The following KATNIP variants were observed in gnomAD, a reference collection of about 807,000 sequenced individuals.
The protein encoded by KATNIP is katanin interacting protein, also known as katanin-interacting protein.
Under a neutral mutation model 174.0 loss-of-function variants are expected in KATNIP, and 126 were observed. That is an observed-to-expected ratio of 0.72 (90% CI 0.63 to 0.84). The LOEUF is 0.84. Among genes scored for constraint, KATNIP ranks in the 40% least tolerant of loss-of-function variants. The probability of loss-of-function intolerance (pLI) is 0.00; values close to 1 mark genes in which losing one functional copy is unlikely to be tolerated. For missense variants in KATNIP, 1,958 were observed against 2,109.7 expected (o/e 0.93, Z 1.41); for synonymous variants, 810 against 835.7 (o/e 0.97, Z 0.53).
chr16:27,666,625 C>T (rs959493100), intron 6 of KATNIP, among the ~76,000 whole-genome samples: 18 of 152,276 alleles, frequency 1.2e-4, no homozygotes, highest in African/African-American at 4.1e-4. Flanking sequence ...ACCATGTTGA[C>T]CAGGCTGGTC....
intron 8 of KATNIP, among the ~76,000 whole-genome samples, chr16:27,682,530 TG>T (rs1321497686): frequency 6.6e-6 from 1 of 151,924 alleles, no homozygotes; most frequent in East Asian, 1.9e-4. Context: ...ATGTAGAGGG[TG>T]GGGGCTCAGT....
At chr16:27,713,000 G>T (rs2079651543) in intron 13 of KATNIP, among the ~76,000 whole-genome samples, 1 of 151,946 alleles carries the variant, frequency 6.6e-6, no homozygotes, top group Admixed American at 6.6e-5. Flanking sequence ...TAGAGATAGG[G>T]TCTCACTGTG....
At chr16:27,652,353 A>T (rs921649741) in intron 6 of KATNIP, among the ~76,000 whole-genome samples, 1 of 152,186 alleles carries the variant, frequency 6.6e-6, no homozygotes, top group South Asian at 2.1e-4. Flanking sequence ...AGAAATAAAG[A>T]TACGGGATTC....
chr16:27,610,099 A>T (rs548202197), intron 2 of KATNIP, among the ~76,000 whole-genome samples: 180 of 152,180 alleles, frequency 1.2e-3, no homozygotes, highest in African/African-American at 4.2e-3. Context: ...GGCCACTGGG[A>T]TGGCCTTGCC....
intron 8 of KATNIP, chr16:27,685,228 A>G (rs1353470496): frequency 2.6e-5 from 4 of 151,952 alleles, no homozygotes; most frequent in African/African-American, 9.7e-5. Flanking sequence ...CTCTACTAAA[A>G]CACACACAAA....
rs184459807 is a variant in KATNIP at position 27,740,766 on chromosome 16, G to C, written c.2469G>C (p.Lys823Asn). 125 of 1,614,198 alleles carry C rather than the reference G, an allele frequency of 7.7e-5. No individual in the cohort carries two copies. The East Asian group carries it at 2.7e-3, about 35-fold the overall frequency. ...GGACCAGCCGGAGTGTCAACACCAA[G>C]GAGAGACCCCAGAGGGCAACCACCA... Reference protein sequence around the residue: ...GWGTSRSVNTKERPQRATTKV... With the variant: ...GWGTSRSVNTNERPQRATTKV... The change falls in exon 15 of 28, where the codon AAG (lysine) becomes AAC (asparagine). Residue 823 changes from lysine to asparagine, a missense_variant. Lys to Asn is a moderately conservative substitution (Grantham distance 94). Around this residue, in one of 3 missense-constraint regions of KATNIP, gnomAD observed 1,557 missense variants for 1,617.8 expected, o/e 0.96. Transcript: ENST00000261588.
Position 27,777,768 on chromosome 16 carries a change from C to T in KATNIP, c.4710C>T (p.Ile1570=). 6.2e-7 allele frequency: 1 copy of T among 1,613,406 alleles called. No individual in the cohort carries two copies. Among genetic ancestry groups the T allele is most frequent in the Non-Finnish European group, 8.5e-7 (1 of 1,179,586 alleles). The change falls in exon 26 of 28, where the codon ATC becomes ATT. Residue 1570 remains isoleucine (I), a splice_region_variant and synonymous_variant. Transcript: ENST00000261588. This position sits in a 1 kb window ranked among gnomAD's most constrained non-coding sequence, Gnocchi z 4.4. Reference sequence around the variant, plus strand: ...GCCACCAGGAGAAACACACCACCATCAGGTAGGGCCCCAGCCGGCCCCATG... The same window carrying T: ...GCCACCAGGAGAAACACACCACCATTAGGTAGGGCCCCAGCCGGCCCCATG... ...DIRHQEKHTT[I]SNQAEDQDVQ... is the part of the protein sequence containing the mutation.
At chr16:27,608,374 G>T (rs1434262641) in intron 2 of KATNIP, among the ~76,000 whole-genome samples, 9 of 133,338 alleles carry the variant, frequency 6.7e-5, no homozygotes, top group African/African-American at 2.0e-4. Context: ...GGGACTACGG[G>T]TGCACGCCAC....
At chr16:27,623,140 T>C (rs1355266296) in intron 3 of KATNIP, among the ~76,000 whole-genome samples, 2 of 152,166 alleles carry the variant, frequency 1.3e-5, no homozygotes, top group Non-Finnish European at 2.9e-5. Context: ...TGCGAGCCAG[T>C]GCTCTCTCCT....
intron 3 of KATNIP, among the ~76,000 whole-genome samples, chr16:27,620,492 G>A (rs952301093): frequency 2.6e-5 from 4 of 152,216 alleles, no homozygotes; most frequent in African/African-American, 7.2e-5. Flanking sequence ...CAGCCAGAAA[G>A]TGGTGGAGCC....
In KATNIP at chr16:27,655,400, A is replaced by ATTATTTATTTAT. The variant is rs557649469; in HGVS notation, c.540+6684_540+6695dup. ...AGGTACGCACCACCATGTCCAGCCA[A>ATTATTTATTTAT]TTATTTATTTATTTATTTATTTATT... On this transcript the variant is annotated intron_variant, in intron 6 of 27. Coordinates refer to ENST00000261588, the MANE Select transcript of KATNIP (RefSeq NM_015202.5). Among the ~76,000 whole-genome samples, 32 of 148,688 alleles carry ATTATTTATTTAT rather than the reference A, an allele frequency of 2.2e-4. 1 individual carries two copies. Among genetic ancestry groups the ATTATTTATTTAT allele is most frequent in the African/African-American group, 6.7e-4 (27 of 40,092 alleles).
intron 6 of KATNIP, among the ~76,000 whole-genome samples, chr16:27,658,516 C>G (rs1384075506): frequency 2.0e-5 from 3 of 152,054 alleles, no homozygotes; most frequent in Non-Finnish European, 2.9e-5. Flanking sequence ...AAATTAAAAG[C>G]TTTTCTACAT....
chr16:27,760,434 G>A (rs1428920386), intron 18 of KATNIP, among the ~76,000 whole-genome samples: 1 of 152,168 alleles, frequency 6.6e-6, no homozygotes, highest in East Asian at 1.9e-4. Flanking sequence ...GGGCTGTTTT[G>A]CCCCAGGGCC....
At chr16:27,625,282 C>T (rs1053441940) in intron 3 of KATNIP, among the ~76,000 whole-genome samples, 1 of 152,172 alleles carries the variant, frequency 6.6e-6, no homozygotes, top group African/African-American at 2.4e-5. Flanking sequence ...TAAGGAGGGG[C>T]ACCCGTGGAC....
rs1194505128 is a variant in KATNIP, at chr16:27,637,823, C to T, written c.408+6661C>T. Among the ~76,000 whole-genome samples, 1 of 152,142 alleles carries T rather than the reference C, an allele frequency of 6.6e-6. No homozygotes were observed. Among genetic ancestry groups the T allele is most frequent in the Non-Finnish European group, 1.5e-5 (1 of 68,034 alleles). On this transcript the variant is annotated intron_variant, in intron 5 of 27. Transcript: ENST00000261588. The surrounding 1 kb of genome is among the most constrained non-coding windows in gnomAD (Gnocchi z 4.7). ...TTCCAAGAGGGTTGAAACAGTAGAG[C>T]GCCACGTTTGGGTTCATATTTTGGG...
At position 27,751,805 on chromosome 16, in the gene KATNIP, C is replaced by T; in HGVS notation, c.3433C>T (p.Leu1145=). 1.2e-6 allele frequency: 2 copies of T among 1,614,184 alleles called. 1 individual carries two copies. ...AIFYSDEMFD[L]DVGSLDSLQD... ...ATTCTATTCTGATGAGATGTTTGACCTGGATGTGGGGAGCCTGGACAGCCT... is the reference window on the plus strand; with the variant it reads ...ATTCTATTCTGATGAGATGTTTGACTTGGATGTGGGGAGCCTGGACAGCCT... Residue 1145 remains leucine, a synonymous_variant, in exon 17 of 28, where the codon CTG becomes TTG. Coordinates refer to ENST00000261588, the MANE Select transcript of KATNIP (RefSeq NM_015202.5).
chr16:27,575,477 A>G (rs929466341), intron 2 of KATNIP, among the ~76,000 whole-genome samples: 14 of 152,214 alleles, frequency 9.2e-5, no homozygotes, highest in African/African-American at 3.4e-4. Context: ...GCTCATCAGA[A>G]ACACTGACCA....
rs1416587000 is a variant in KATNIP at position 27,681,417 on chromosome 16, A to G, written c.827A>G (p.Asn276Ser). 5.6e-6 allele frequency: 9 copies of G among 1,614,078 alleles called. No homozygotes were observed. Among genetic ancestry groups the G allele is most frequent in the South Asian group, 1.1e-5 (1 of 91,080 alleles). The change falls in exon 8 of 28, where the codon AAT becomes AGT. Residue 276 changes from asparagine to serine, a missense_variant. Physicochemically the swap from Asn to Ser is conservative, Grantham distance 46. This residue lies in a region of KATNIP where 1,557 missense variants were observed against 1,617.8 expected (regional missense o/e 0.96). Transcript: ENST00000261588. ...CCTACAGGTCATAAAAGGGAAAGGAATTTGTCTGCAAAGCGGAAGGACAAT... is the reference window on the plus strand; with the variant it reads ...CCTACAGGTCATAAAAGGGAAAGGAGTTTGTCTGCAAAGCGGAAGGACAAT... The part of the protein sequence containing the change: ...PASKSHKRER[N>S]LSAKRKDNAE...
At chr16:27,681,162 TG>T in intron 7 of KATNIP, 2 of 468,360 alleles carry the variant, frequency 4.3e-6, no homozygotes. Context: ...TTTGAAAACC[TG>T]TGCATGTCCT....
Sources: gnomAD v4.1 joint callset for allele counts (sites outside exome capture counted in the v4.1 genomes callset) on GRCh38, gnomAD v4.1.1 for gene constraint, gnomAD v4.1.1 regional missense constraint, Gnocchi (gnomAD v3.1) non-coding constraint, MANE v1.5 for transcripts, NCBI Gene and HGNC (gene_info 2026-07-23, HGNC 2026-07-21) for gene names.